The following UFD1 variants were observed in gnomAD, a reference collection of about 807,000 sequenced individuals.
UFD1 encodes ubiquitin recognition factor in ER-associated degradation protein 1.
UFD1 carries 13 observed loss-of-function variants against 45.9 expected under a neutral mutation model. The observed-to-expected ratio is 0.28, with a 90% CI of 0.18 to 0.45. The LOEUF is 0.45. Among genes scored for constraint, UFD1 ranks in the 20% least tolerant of loss-of-function variants. The pLI is 1.00. For synonymous variants in UFD1, 128 were observed against 139.2 expected, an observed-to-expected ratio of 0.92 and a Z score of 0.56; for missense variants, 218 against 389.2, an observed-to-expected ratio of 0.56 and a Z score of 3.70.
At chr22:19,478,985 G>A (rs1249179516) in intron 1 of UFD1, 98 bp downstream of exon 1, 2 of 1,485,238 alleles carry the variant, frequency 1.3e-6, no homozygotes, top group Non-Finnish European at 1.8e-6. Context: ...GGGTGACTCG[G>A]CACCTCCGCC....
intron 11 of UFD1, chr22:19,451,533 A>AT (rs1426767623): frequency 1.9e-5 from 19 of 985,012 alleles, no homozygotes; most frequent in Admixed American, 1.2e-4. Flanking sequence ...AACTGCACAT[A>AT]TTTTTTTTCA....
intron 3 of UFD1, among the ~76,000 whole-genome samples, chr22:19,474,365 C>T (rs763313038): frequency 5.9e-5 from 9 of 151,904 alleles, no homozygotes; most frequent in Non-Finnish European, 8.8e-5. Context: ...CCCAACATGG[C>T]GGAACCCCAT....
At chr22:19,468,441 G>C (rs911836180) in intron 4 of UFD1, among the ~76,000 whole-genome samples, 5 of 152,206 alleles carry the variant, frequency 3.3e-5, no homozygotes, top group African/African-American at 1.2e-4. Context: ...CACAGCTGAG[G>C]CTGCAAGATG....
rs113855633 is a variant in UFD1 at position 19,453,060 on chromosome 22, G to C, written c.849+1689C>G. 17 of 985,384 alleles carry C rather than the reference G, an allele frequency of 1.7e-5. 1 individual carries two copies. The African/African-American group carries it at 1.7e-4, about 10-fold the overall frequency. 61.0% of individuals were successfully genotyped at this position (985,384 alleles called of 1,614,324 possible). A position where few individuals can be genotyped will look rare whatever the true frequency, so the allele number is the denominator to read the frequency against. On this transcript the variant is annotated intron_variant, in intron 11 of 11. Coordinates refer to ENST00000263202, the MANE Select transcript of UFD1 (RefSeq NM_005659.7). ...TATTATTTAGATGCTGGAATGGAAA[G>C]CTTTCTGACTGTGGCCTTCACTTCA...
chr22:19,471,438 G>A (rs1439866709), intron 4 of UFD1: 4 of 734,954 alleles, frequency 5.4e-6, no homozygotes, highest in Non-Finnish European at 1.0e-5. Flanking sequence ...GAACAGTTCA[G>A]CTGCGCAACT....
chr22:19,475,793 G>A (rs1358091128), intron 1 of UFD1, among the ~76,000 whole-genome samples, 191 bp from the exon 2 acceptor site: 1 of 152,208 alleles, frequency 6.6e-6, no homozygotes, highest in East Asian at 1.9e-4. Flanking sequence ...TCAGGGCTAT[G>A]CTCCCATCTT....
chr22:19,471,672 G>A lies in UFD1; in HGVS notation c.291+15C>T. ...TAAGTGGCTGCTCTCTAGAGACCCT[G>A]GCAGCCCCACTCACCCAGTGTGGGA... is the stretch of plus-strand genomic sequence containing the variant. On this transcript the variant is annotated intron_variant, in intron 4 of 11. Transcript: ENST00000263202. 6.2e-7 allele frequency: 1 copy of A among 1,611,614 alleles called. No individual in the cohort carries two copies. The highest frequency in any genetic ancestry group is 8.5e-7 in the Non-Finnish European group (1 of 1,179,540).
intron 2 of UFD1, 40 bp downstream of exon 2, chr22:19,475,430 G>C (rs766530923): frequency 1.9e-5 from 30 of 1,611,560 alleles, no homozygotes; most frequent in Non-Finnish European, 8.5e-7. Context: ...GCAGACTTAG[G>C]GCAGGAAAAG....
chr22:19,455,531 A>G (rs2089716110), intron 10 of UFD1, 149 bp downstream of exon 10: 1 of 704,334 alleles, frequency 1.4e-6, no homozygotes. Context: ...GTTGTGCTCC[A>G]CCCCACCAAG....
At position 19,467,943 on chromosome 22, in the gene UFD1, G is replaced by C. The variant is rs2089815273; in HGVS notation, c.352C>G (p.Gln118Glu). The C allele has an allele frequency of 6.2e-7, 1 of 1,614,190 alleles. No homozygotes were observed. The highest frequency in any genetic ancestry group is 8.5e-7 in the Non-Finnish European group (1 of 1,180,028). Residue 118 changes from glutamine to glutamate, a missense_variant, in exon 5 of 12, where the codon CAA becomes GAA. Coordinates refer to ENST00000263202, the MANE Select transcript of UFD1 (RefSeq NM_005659.7). ...TGGAATTTGGAGTAGGTGGCCACTT[G>C]AAGGTTGACGCTCTCCACCTGGACC... is the stretch of plus-strand genomic sequence containing the variant. ...GLVQVESVNL[Q>E]VATYSKFQPQ... is the part of the protein sequence containing the mutation.
At chr22:19,469,317 T>C (rs2089827207) in intron 4 of UFD1, among the ~76,000 whole-genome samples, 1 of 152,142 alleles carries the variant, frequency 6.6e-6, no homozygotes, top group South Asian at 2.1e-4. Context: ...GGGCTGCAAT[T>C]GCAAGCCTGA....
At chr22:19,453,773 T>C (rs1158768849) in intron 11 of UFD1, 1 of 985,552 alleles carries the variant, frequency 1.0e-6, no homozygotes, top group Admixed American at 6.1e-5. Flanking sequence ...CCCCAAGTGC[T>C]AGAGAAAAGA....
chr22:19,468,120 C>A lies in UFD1; in HGVS notation c.292-117G>T. 8.8e-6 allele frequency: 12 copies of A among 1,362,974 alleles called. 1 individual carries two copies. In the South Asian group the frequency reaches 1.1e-4, roughly 13 times the overall value. The allele number at this position is 1,362,974 out of a possible 1,614,324, so 84.4% of individuals were successfully genotyped here. Reference sequence around the variant, plus strand: ...TGGGTCCTTGGAAGAGGAACCTGAGCCAAGATAAGTAATTCGTGATACTAT... The same window carrying A: ...TGGGTCCTTGGAAGAGGAACCTGAGACAAGATAAGTAATTCGTGATACTAT... On this transcript the variant is annotated intron_variant, in intron 4 of 11. Coordinates refer to ENST00000263202, the MANE Select transcript of UFD1 (RefSeq NM_005659.7).
intron 3 of UFD1, 69 bp from the exon 4 acceptor site, chr22:19,471,877 C>T (rs1272113408): frequency 2.6e-6 from 4 of 1,556,798 alleles, no homozygotes; most frequent in Non-Finnish European, 3.5e-6. Flanking sequence ...CACGCCTTCC[C>T]ATAGAAGGAG....
chr22:19,478,576 G>C lies in UFD1; in HGVS notation c.3+507C>G, dbSNP rs13447175. Among the ~76,000 whole-genome samples, 407 of 130,006 alleles carry C rather than the reference G, an allele frequency of 3.1e-3. 1 individual carries two copies. The highest frequency in any genetic ancestry group is 3.6e-3 in the Non-Finnish European group (246 of 67,872). 85.3% of individuals were successfully genotyped at this position (130,006 alleles called of 152,430 possible). A position where few individuals can be genotyped will look rare whatever the true frequency, so the allele number is the denominator to read the frequency against. On this transcript the variant is annotated intron_variant, in intron 1 of 11. Transcript: ENST00000263202. ...ACAGGAAATGTACCAGCAGGTATTA[G>C]CTTCCATCGTTATCATTACCGAACA...
chr22:19,451,243 TC>T, intron 11 of UFD1: 2 of 986,434 alleles, frequency 2.0e-6, no homozygotes, highest in Non-Finnish European at 2.4e-6. Flanking sequence ...CCAATAAACT[TC>T]CTGTCTAGTA....
intron 9 of UFD1, among the ~76,000 whole-genome samples, chr22:19,455,992 G>T (rs144405738): frequency 0.015 from 2,218 of 152,318 alleles, 27 homozygotes; most frequent in Non-Finnish European, 0.024. Flanking sequence ...AGGGCAGCCA[G>T]CAGTCAGTGT....
chr22:19,460,517 G>C (rs1008104220), intron 6 of UFD1, among the ~76,000 whole-genome samples: 2 of 151,886 alleles, frequency 1.3e-5, no homozygotes, highest in Non-Finnish European at 2.9e-5. Context: ...TTTCTAGGTT[G>C]GTGCTCCTCA....
chr22:19,454,272 A>T, intron 11 of UFD1: 1 of 998,272 alleles, frequency 1.0e-6, no homozygotes. Context: ...GGACCCTAGG[A>T]AAGGGAAAAC....
Sources: gnomAD v4.1 joint callset for allele counts (sites outside exome capture counted in the v4.1 genomes callset) on GRCh38, gnomAD v4.1.1 for gene constraint, MANE v1.5 for transcripts, NCBI Gene and HGNC (gene_info 2026-07-23, HGNC 2026-07-21) for gene names.